ULK4: variants seen among roughly 807,000 people sequenced by gnomAD.
ULK4 encodes the protein unc-51 like kinase 4.
ULK4 carries 133 observed loss-of-function variants against 160.6 expected under a neutral mutation model. That is an observed-to-expected ratio of 0.83 (90% CI 0.72 to 0.96). The LOEUF is 0.96. Among genes scored for constraint, ULK4 ranks in the 40% least tolerant of loss-of-function variants. ULK4 has a pLI of 0.00. For missense variants in ULK4, 1,580 were observed against 1,499.5 expected (o/e 1.05, Z -0.89); for synonymous variants, 534 against 539.8 (o/e 0.99, Z 0.15).
chr3:41,961,081 G>C (rs1193300130), intron 1 of ULK4, among the ~76,000 whole-genome samples: 1 of 152,162 alleles, frequency 6.6e-6, no homozygotes, highest in African/African-American at 2.4e-5. Context: ...GTGCTCCTAA[G>C]GAAGTCTCTC....
chr3:41,282,737 T>C (rs940364505), intron 35 of ULK4, among the ~76,000 whole-genome samples: 21 of 152,172 alleles, frequency 1.4e-4, no homozygotes, highest in African/African-American at 4.8e-4. Flanking sequence ...GACATAGGCA[T>C]GGGCAAAGAC....
intron 33 of ULK4, among the ~76,000 whole-genome samples, chr3:41,457,032 T>C (rs576180223): frequency 6.6e-6 from 1 of 152,328 alleles, no homozygotes; most frequent in African/African-American, 2.4e-5. Context: ...AATGGAGAAT[T>C]TCCTGTCAGG....
chr3:41,476,437 G>T (rs1481311275), intron 32 of ULK4, among the ~76,000 whole-genome samples: 1 of 152,146 alleles, frequency 6.6e-6, no homozygotes, highest in Non-Finnish European at 1.5e-5. Flanking sequence ...GAGATGCAGG[G>T]AAGTTCAAGG....
intron 17 of ULK4, among the ~76,000 whole-genome samples, chr3:41,864,862 T>C (rs2042582389): frequency 6.6e-6 from 1 of 152,182 alleles, no homozygotes; most frequent in Non-Finnish European, 1.5e-5. Context: ...AAGAACTATC[T>C]ACCCTCAGTT....
chr3:41,676,902 C>T (rs1227377138), intron 29 of ULK4, among the ~76,000 whole-genome samples: 3 of 139,646 alleles, frequency 2.1e-5, no homozygotes, highest in African/African-American at 8.4e-5. Flanking sequence ...TGCCCCCACC[C>T]CCAACCTTTT....
intron 27 of ULK4, among the ~76,000 whole-genome samples, chr3:41,685,975 A>C (rs2036089672): frequency 6.6e-6 from 1 of 152,170 alleles, no homozygotes; most frequent in Admixed American, 6.5e-5. Flanking sequence ...TACAACAGGA[A>C]TATCGTGATC....
intron 35 of ULK4, among the ~76,000 whole-genome samples, chr3:41,258,837 A>G (rs545975117): frequency 6.9e-4 from 104 of 151,264 alleles, no homozygotes; most frequent in Non-Finnish European, 5.3e-4. Context: ...TTCACCTGGT[A>G]GACAGGTAAT....
chr3:41,322,173 G>A (rs72863496), intron 35 of ULK4, among the ~76,000 whole-genome samples: 2,451 of 143,224 alleles, frequency 0.017, 481 homozygotes, highest in African/African-American at 0.063. Flanking sequence ...GTGGGACAAC[G>A]AGTGTGCACC....
intron 32 of ULK4, among the ~76,000 whole-genome samples, chr3:41,481,153 G>T (rs1165429859): frequency 6.6e-6 from 1 of 152,156 alleles, no homozygotes; most frequent in African/African-American, 2.4e-5. Context: ...AAAGTTACAT[G>T]GAGGCTTTTT....
intron 34 of ULK4, among the ~76,000 whole-genome samples, chr3:41,401,494 C>T (rs929484674): frequency 2.6e-5 from 4 of 152,142 alleles, no homozygotes; most frequent in African/African-American, 9.7e-5. Flanking sequence ...GCTCCATAAT[C>T]ATCTGACATC....
At chr3:41,394,556 C>T (rs1018186357) in intron 35 of ULK4, among the ~76,000 whole-genome samples, 5 of 152,044 alleles carry the variant, frequency 3.3e-5, no homozygotes, top group South Asian at 2.1e-4. Flanking sequence ...TAATATCTCA[C>T]GTAATTTATT....
In ULK4 at chr3:41,830,070, C is replaced by G. The variant is rs370289652; in HGVS notation, c.1764+5794G>C. On this transcript the variant is annotated intron_variant, in intron 18 of 36. Coordinates refer to ENST00000301831, the MANE Select transcript of ULK4 (RefSeq NM_017886.4). ...GACAAAAAACCAAACACCGCATGTT[C>G]TCACTCATAGGTGGGAATTGAACAA... Among the ~76,000 whole-genome samples the G allele has an allele frequency of 3.3e-5, 5 of 152,118 alleles. 1 individual carries two copies. The East Asian group carries it at 9.6e-4, about 29-fold the overall frequency.
At chr3:41,507,643 A>T (rs2085441889) in intron 32 of ULK4, among the ~76,000 whole-genome samples, 1 of 137,470 alleles carries the variant, frequency 7.3e-6, no homozygotes, top group Non-Finnish European at 1.6e-5. Context: ...AAAAAAACTG[A>T]AATTTTATTT....
At chr3:41,487,327 C>T (rs555189862) in intron 32 of ULK4, among the ~76,000 whole-genome samples, 14 of 152,056 alleles carry the variant, frequency 9.2e-5, no homozygotes, top group African/African-American at 3.1e-4. Context: ...TTTTGAGGAA[C>T]ATAACAAAGT....
chr3:41,809,043 G>A (rs916783215), intron 19 of ULK4, among the ~76,000 whole-genome samples: 32 of 151,966 alleles, frequency 2.1e-4, no homozygotes, highest in African/African-American at 7.2e-4. Context: ...GTGCATGCCT[G>A]TAATCTCAGC....
At chr3:41,603,663 C>G (rs981520829) in intron 31 of ULK4, among the ~76,000 whole-genome samples, 11 of 151,734 alleles carry the variant, frequency 7.2e-5, no homozygotes, top group African/African-American at 2.4e-4. Flanking sequence ...CACATTGTAC[C>G]AGTGCAGATT....
chr3:41,802,523 T>G (rs1027062333), intron 19 of ULK4, among the ~76,000 whole-genome samples: 1 of 152,118 alleles, frequency 6.6e-6, no homozygotes, highest in Admixed American at 6.6e-5. Context: ...GAACTCGAAC[T>G]CCTTGTCCCA....
At chr3:41,292,214 ACTT>A (rs1250279880) in intron 35 of ULK4, among the ~76,000 whole-genome samples, 1 of 152,154 alleles carries the variant, frequency 6.6e-6, no homozygotes, top group Non-Finnish European at 1.5e-5. Flanking sequence ...AACAATAACT[ACTT>A]CTAAGTGGAA....
At chr3:41,511,564 A>G (rs1159498196) in intron 32 of ULK4, among the ~76,000 whole-genome samples, 1 of 152,204 alleles carries the variant, frequency 6.6e-6, no homozygotes, top group African/African-American at 2.4e-5. Flanking sequence ...TCCTGGAAAT[A>G]TAAAACCCTC....
Sources: gnomAD v4.1 joint callset for allele counts (sites outside exome capture counted in the v4.1 genomes callset) on GRCh38, gnomAD v4.1.1 for gene constraint, MANE v1.5 for transcripts, NCBI Gene and HGNC (gene_info 2026-07-23, HGNC 2026-07-21) for gene names.